Variants in ST3GAL2 observed in about 807,000 individuals in gnomAD.
ST3GAL2 encodes ST3 beta-galactoside alpha-2,3-sialyltransferase 2.
Under a neutral mutation model 37.5 loss-of-function variants are expected in ST3GAL2, and 16 were observed. The ratio of observed to expected loss-of-function variants is 0.43; its 90% CI spans 0.29 to 0.65. The LOEUF (loss-of-function observed/expected upper bound fraction) is 0.65, where lower values mean the gene tolerates loss of function less well. Among genes scored for constraint, ST3GAL2 ranks in the 30% least tolerant of loss-of-function variants. ST3GAL2 has a pLI of 0.17. For synonymous variants in ST3GAL2, 238 were observed against 202.9 expected (o/e 1.17, Z -1.47); for missense variants, 383 against 487.8 (o/e 0.79, Z 2.02).
At chr16:70,382,111 G>GC (rs1332395839) in intron 6 of ST3GAL2, among the ~76,000 whole-genome samples, 1 of 143,552 alleles carries the variant, frequency 7.0e-6, no homozygotes, top group Non-Finnish European at 1.5e-5. Flanking sequence ...TGAAGCACTT[G>GC]CCGGGCCTCA....
chr16:70,395,104 G>A lies in ST3GAL2; in HGVS notation c.411C>T (p.Gly137=), dbSNP rs747047244. ...GGTCCCGGAAGCGGTAGGGGTTCTC[G>A]CCAGGCACTATCTGGAACAGCTTCT... ...VLEKLFQIVP[G]ENPYRFRDPH... Residue 137 remains glycine (G), a synonymous_variant, in exon 3 of 7, where the codon GGC becomes GGT. Transcript: ENST00000342907. The A allele has an allele frequency of 6.2e-6, 10 of 1,613,710 alleles. No homozygotes were observed. Among genetic ancestry groups the A allele is most frequent in the East Asian group, 2.2e-5 (1 of 44,842 alleles).
chr16:70,436,506 A>C (rs1322582279), intron 1 of ST3GAL2, among the ~76,000 whole-genome samples: 1 of 151,998 alleles, frequency 6.6e-6, no homozygotes, highest in Non-Finnish European at 1.5e-5. Flanking sequence ...TAATCTCTCA[A>C]GAAATTGTGA....
chr16:70,397,890 C>A (rs2047527797), intron 2 of ST3GAL2, among the ~76,000 whole-genome samples: 1 of 152,200 alleles, frequency 6.6e-6, no homozygotes, highest in Non-Finnish European at 1.5e-5. Flanking sequence ...GCGGCTGCCT[C>A]CTTCCTCTGG....
intron 1 of ST3GAL2, among the ~76,000 whole-genome samples, chr16:70,420,099 T>C (rs2047704612): frequency 6.6e-6 from 1 of 150,808 alleles, no homozygotes; most frequent in Non-Finnish European, 1.5e-5. Context: ...TGATCTCGGT[T>C]CACTGCAACC....
intron 1 of ST3GAL2, among the ~76,000 whole-genome samples, chr16:70,413,758 A>C (rs1022466563): frequency 4.2e-5 from 5 of 120,108 alleles, no homozygotes; most frequent in Non-Finnish European, 6.0e-5. Context: ...TAATAAATAA[A>C]TAAATAAATA....
In ST3GAL2 at chr16:70,421,831, C is replaced by G. The variant is rs542620134; in HGVS notation, c.-1004+17118G>C. 1.3e-3 allele frequency among the ~76,000 whole-genome samples: 200 copies of G among 149,170 alleles called. 1 individual carries two copies. Among genetic ancestry groups the G allele is most frequent in the Middle Eastern group, 3.4e-3 (1 of 294 alleles). ...CAGGTACACACAACACCGCACCTGA[C>G]TTCGCTTTCAGAGTCCAAAGCCCTC... On this transcript the variant is annotated intron_variant, in intron 1 of 6. Coordinates refer to ENST00000342907, the MANE Select transcript of ST3GAL2 (RefSeq NM_006927.4).
At chr16:70,437,875 G>C (rs191960340) in intron 1 of ST3GAL2, among the ~76,000 whole-genome samples, 1 of 152,290 alleles carries the variant, frequency 6.6e-6, no homozygotes, top group Non-Finnish European at 1.5e-5. Flanking sequence ...CCGTCCCAAA[G>C]ACGAGGCGGG....
rs2047371447 is a variant in ST3GAL2, at chr16:70,378,720, G to GCACACTGGC, written c.*2960_*2968dup. ...GTCTCAAAAAAAAAAAATCGGCCAG[G>GCACACTGGC]CACACTGGCTCACGCCTGTAATCCC... On this transcript the variant is annotated 3_prime_UTR_variant, in exon 7 of 7. Coordinates refer to ENST00000342907, the MANE Select transcript of ST3GAL2 (RefSeq NM_006927.4). 6.7e-6 allele frequency: 1 copy of GCACACTGGC among 150,352 alleles called. No homozygotes were observed. Among genetic ancestry groups the GCACACTGGC allele is most frequent in the Non-Finnish European group, 1.5e-5 (1 of 67,840 alleles). The allele number at this position is 150,352 out of a possible 1,614,324, so 9.3% of individuals were successfully genotyped here.
intron 1 of ST3GAL2, among the ~76,000 whole-genome samples, chr16:70,401,653 C>T (rs1390211275): frequency 6.6e-6 from 1 of 152,190 alleles, no homozygotes; most frequent in African/African-American, 2.4e-5. Flanking sequence ...CTCCCCTTCA[C>T]AGCTACTCAG....
chr16:70,391,305 G>C (rs1448021179), intron 3 of ST3GAL2, among the ~76,000 whole-genome samples: 1 of 152,140 alleles, frequency 6.6e-6, no homozygotes, highest in Non-Finnish European at 1.5e-5. Flanking sequence ...GTTCTAGCTG[G>C]CTTCAAGCAG....
At chr16:70,413,723 C>A (rs552665215) in intron 1 of ST3GAL2, among the ~76,000 whole-genome samples, 15 of 149,452 alleles carry the variant, frequency 1.0e-4, no homozygotes, top group East Asian at 1.9e-4. Context: ...GCAACAAAAG[C>A]GAAACTCCAT....
At chr16:70,407,142 T>C (rs553262332) in intron 1 of ST3GAL2, among the ~76,000 whole-genome samples, 180 of 149,924 alleles carry the variant, frequency 1.2e-3, no homozygotes, top group African/African-American at 4.2e-3. Context: ...GACAACACTA[T>C]GGCCTTTTTT....
chr16:70,421,379 A>C (rs1222101739), intron 1 of ST3GAL2, among the ~76,000 whole-genome samples: 1 of 152,352 alleles, frequency 6.6e-6, no homozygotes, highest in East Asian at 1.9e-4. Context: ...GGGGGACGCC[A>C]AGGGCCCTCC....
chr16:70,411,734 C>A (rs2151670210), intron 1 of ST3GAL2, among the ~76,000 whole-genome samples: 2 of 152,200 alleles, frequency 1.3e-5, no homozygotes, highest in East Asian at 3.9e-4. Context: ...GTGGCTCACA[C>A]CTGTAATCCC....
intron 1 of ST3GAL2, among the ~76,000 whole-genome samples, chr16:70,422,471 C>A (rs1389876472): frequency 6.6e-6 from 1 of 152,170 alleles, no homozygotes; most frequent in Non-Finnish European, 1.5e-5. Flanking sequence ...GCAGACAGGT[C>A]AGTCTGGGCT....
At chr16:70,384,908 C>A (rs1222392023) in intron 4 of ST3GAL2, among the ~76,000 whole-genome samples, 1 of 152,096 alleles carries the variant, frequency 6.6e-6, no homozygotes, top group African/African-American at 2.4e-5. Context: ...ACTCGGGAGG[C>A]TGAGGCACGA....
intron 1 of ST3GAL2, among the ~76,000 whole-genome samples, chr16:70,414,958 C>T (rs2047665446): frequency 6.6e-6 from 1 of 152,154 alleles, no homozygotes; most frequent in Non-Finnish European, 1.5e-5. Flanking sequence ...ACTGCAAGCT[C>T]CACCTCCCGG....
chr16:70,405,408 G>C (rs1287530441), intron 1 of ST3GAL2, among the ~76,000 whole-genome samples: 1 of 151,946 alleles, frequency 6.6e-6, no homozygotes, highest in East Asian at 1.9e-4. Context: ...GGGCATGGTG[G>C]CGGGAGCCTG....
intron 1 of ST3GAL2, among the ~76,000 whole-genome samples, chr16:70,424,256 A>G (rs1185405349): frequency 7.1e-6 from 1 of 141,428 alleles, no homozygotes; most frequent in Non-Finnish European, 1.5e-5. Context: ...CGGCCTCCCA[A>G]AGTGCTGGGA....
Sources: allele counts gnomAD v4.1 joint callset (sites outside exome capture counted in the v4.1 genomes callset), GRCh38; gene constraint gnomAD v4.1.1; transcripts MANE v1.5; gene names NCBI Gene and HGNC (gene_info 2026-07-23, HGNC 2026-07-21).